The following ZNF780B variants were observed in gnomAD, a reference collection of about 807,000 sequenced individuals.
ZNF780B encodes zinc finger protein 779.
Under a neutral mutation model 74.1 loss-of-function variants are expected in ZNF780B, and 52 were observed. The ratio of observed to expected loss-of-function variants is 0.70; its 90% CI spans 0.56 to 0.88. The LOEUF is 0.88. Ranked by LOEUF, ZNF780B falls within the 40% of genes least tolerant of loss-of-function variation. The pLI is 0.00. For missense variants in ZNF780B, 953 were observed against 1,007.6 expected (o/e 0.95, Z 0.73); for synonymous variants, 315 against 324.3 (o/e 0.97, Z 0.31).
intron 4 of ZNF780B, among the ~76,000 whole-genome samples, chr19:40,042,518 C>G (rs1032026369): frequency 1.8e-4 from 27 of 152,340 alleles, no homozygotes; most frequent in African/African-American, 6.0e-4. Context: ...GTTCCATTCT[C>G]TCCGTCACTT....
chr19:40,041,938 G>A (rs1972665014), intron 4 of ZNF780B, among the ~76,000 whole-genome samples: 1 of 152,008 alleles, frequency 6.6e-6, no homozygotes, highest in Non-Finnish European at 1.5e-5. Flanking sequence ...TGTGAATTTG[G>A]TCCTGTAATT....
chr19:40,034,038 T>G lies in ZNF780B; in HGVS notation c.*319A>C. The G allele has an allele frequency of 2.7e-6, 1 of 368,672 alleles. No homozygotes were observed. The highest frequency in any genetic ancestry group is 5.1e-6 in the Non-Finnish European group (1 of 194,704). 22.8% of individuals were successfully genotyped at this position (368,672 alleles called of 1,614,324 possible). On this transcript the variant is annotated 3_prime_UTR_variant, in exon 5 of 5. Transcript: ENST00000434248. ...CACAGGGTTTCTCAGCAGTACGGATTCTCAGATGTACAGTAAGATCATAAT... is the reference window on the plus strand; with the variant it reads ...CACAGGGTTTCTCAGCAGTACGGATGCTCAGATGTACAGTAAGATCATAAT...
rs780445917 is a variant in ZNF780B at position 40,034,426 on chromosome 19, T to C, written c.2433A>G (p.Val811=). 1 of 1,614,068 alleles carries C rather than the reference T, an allele frequency of 6.2e-7. No homozygotes were observed. Among genetic ancestry groups the C allele is most frequent in the Non-Finnish European group, 8.5e-7 (1 of 1,179,966 alleles). ...KLVQVRNPLN[V]RNVGQPSDIS... Reference sequence around the variant, plus strand: ...TGTCTGAAGGCTGTCCCACATTTCTTACATTCAAAGGGTTTCTCACCTGTA... The same window carrying C: ...TGTCTGAAGGCTGTCCCACATTTCTCACATTCAAAGGGTTTCTCACCTGTA... The change falls in exon 5 of 5, where the codon GTA becomes GTG. Residue 811 remains valine (V), a synonymous_variant. Coordinates refer to ENST00000434248, the MANE Select transcript of ZNF780B (RefSeq NM_001005851.3).
intron 1 of ZNF780B, among the ~76,000 whole-genome samples, chr19:40,053,161 A>G (rs955420231): frequency 6.6e-6 from 1 of 152,204 alleles, no homozygotes; most frequent in African/African-American, 2.4e-5. Context: ...ATGAGAGAAA[A>G]TATTTGCAGT....
chr19:40,041,846 T>C (rs898396562), intron 4 of ZNF780B, among the ~76,000 whole-genome samples: 1 of 152,228 alleles, frequency 6.6e-6, no homozygotes, highest in Non-Finnish European at 1.5e-5. Flanking sequence ...CTGATGGGTC[T>C]TGACTCTTTA....
chr19:40,035,611 T>C lies in ZNF780B; in HGVS notation c.1248A>G (p.Pro416=), dbSNP rs1468432584. The C allele has an allele frequency of 5.0e-6, 8 of 1,613,726 alleles. No individual in the cohort carries two copies. The highest frequency in any genetic ancestry group is 1.7e-4 in the Middle Eastern group (1 of 6,058). ...QHQSIHADVK[P]YECKECGKGF... ...CTTTCCCACACTCCTTACATTCATA[T>C]GGTTTTACATCAGCATGAATACTCT... is the stretch of plus-strand genomic sequence containing the variant. Residue 416 remains proline (P), a synonymous_variant, in exon 5 of 5, where the codon CCA becomes CCG. Transcript: ENST00000434248.
In ZNF780B at chr19:40,035,836, G is replaced by C. The variant is rs1157353298; in HGVS notation, c.1023C>G (p.Ala341=). ...KPFECKECRK[A]FTLLTKLVRH... is the part of the protein sequence containing the mutation. The stretch of plus-strand genomic sequence containing the variant: ...GAACAAGCTTTGTCAGAAGAGTAAA[G>C]GCCTTTCTGCATTCTTTACATTCAA... The change falls in exon 5 of 5, where the codon GCC becomes GCG. Residue 341 remains alanine (A), a synonymous_variant. Coordinates refer to ENST00000434248, the MANE Select transcript of ZNF780B (RefSeq NM_001005851.3). 5 of 1,613,950 alleles carry C rather than the reference G, an allele frequency of 3.1e-6. No individual in the cohort carries two copies. Among genetic ancestry groups the C allele is most frequent in the Non-Finnish European group, 3.4e-6 (4 of 1,180,012 alleles).
chr19:40,034,910 A>G lies in ZNF780B; in HGVS notation c.1949T>C (p.Phe650Ser). ...TTGAACAAGGTTTGAGACACGATTAAAGGACTTCCCACATTCTTTACATTT... is the reference window on the plus strand; with the variant it reads ...TTGAACAAGGTTTGAGACACGATTAGAGGACTTCCCACATTCTTTACATTT... ...PFKCKECGKS[F>S]NRVSNLVQHQ... The change falls in exon 5 of 5, where the codon TTT (phenylalanine) becomes TCT (serine). Residue 650 changes from phenylalanine (F) to serine (S), a missense_variant. Physicochemically the swap from Phe to Ser is radical, Grantham distance 155 (BLOSUM62 -2). Coordinates refer to ENST00000434248, the MANE Select transcript of ZNF780B (RefSeq NM_001005851.3). 6.2e-7 allele frequency: 1 copy of G among 1,614,030 alleles called. No homozygotes were observed. Among genetic ancestry groups the G allele is most frequent in the Non-Finnish European group, 8.5e-7 (1 of 1,179,988 alleles).
intron 1 of ZNF780B, among the ~76,000 whole-genome samples, chr19:40,053,269 A>C (rs565092363): frequency 6.6e-6 from 1 of 152,346 alleles, no homozygotes; most frequent in African/African-American, 2.4e-5. Context: ...TGATAAACAC[A>C]TCTCAAAAGA....
chr19:40,052,773 A>T (rs1033149768), intron 1 of ZNF780B, among the ~76,000 whole-genome samples: 14 of 152,300 alleles, frequency 9.2e-5, no homozygotes, highest in Admixed American at 2.0e-4. Context: ...AGAGCCCCAG[A>T]ATAAATCCAT....
At position 40,054,241 on chromosome 19, in the gene ZNF780B, G is replaced by C. The variant is rs115132549; in HGVS notation, c.-46+1948C>G. 4.8e-3 allele frequency among the ~76,000 whole-genome samples: 734 copies of C among 152,278 alleles called. 11 individuals are homozygous for C. Among genetic ancestry groups the C allele is most frequent in the African/African-American group, 0.017 (688 of 41,544 alleles). On this transcript the variant is annotated intron_variant, in intron 1 of 4. Transcript: ENST00000434248. ...GTAATGTGGGTGAGGGAGGGAAGATGGTGTTGGCTGGGGAAATGTTGGTCA... is the reference window on the plus strand; with the variant it reads ...GTAATGTGGGTGAGGGAGGGAAGATCGTGTTGGCTGGGGAAATGTTGGTCA...
chr19:40,038,029 C>T (rs546197252), intron 4 of ZNF780B, among the ~76,000 whole-genome samples: 58 of 151,896 alleles, frequency 3.8e-4, no homozygotes, highest in Admixed American at 1.2e-3. Flanking sequence ...CGTCATTTAG[C>T]ATTAGGTATA....
rs755770118 is a variant in ZNF780B, at chr19:40,035,858, T to A, written c.1001A>T (p.Glu334Val). 6.2e-7 allele frequency: 1 copy of A among 1,613,614 alleles called. No homozygotes were observed. Among genetic ancestry groups the A allele is most frequent in the Non-Finnish European group, 8.5e-7 (1 of 1,179,972 alleles). ...CRIHTGEKPF[E>V]CKECRKAFTL... ...AAAGGCCTTTCTGCATTCTTTACAT[T>A]CAAAGGGTTTCTCGCCAGTATGAAT... The change falls in exon 5 of 5, where the codon GAA (glutamate) becomes GTA (valine). Residue 334 changes from glutamate (E) to valine (V), a missense_variant. Coordinates refer to ENST00000434248, the MANE Select transcript of ZNF780B (RefSeq NM_001005851.3).
chr19:40,046,447 G>A (rs535581768), intron 4 of ZNF780B, among the ~76,000 whole-genome samples: 64 of 152,246 alleles, frequency 4.2e-4, no homozygotes, highest in Non-Finnish European at 4.7e-4. Context: ...TCCTCACAAC[G>A]ACAGTCAAAA....
At chr19:40,038,221 A>C (rs951882230) in intron 4 of ZNF780B, among the ~76,000 whole-genome samples, 7 of 151,998 alleles carry the variant, frequency 4.6e-5, no homozygotes, top group African/African-American at 1.7e-4. Context: ...AGTTTCATCC[A>C]TGTCCCTACA....
intron 1 of ZNF780B, among the ~76,000 whole-genome samples, chr19:40,052,496 C>T (rs1285043240): frequency 1.3e-5 from 2 of 151,978 alleles, no homozygotes; most frequent in Non-Finnish European, 2.9e-5. Context: ...ATTTCAAGAG[C>T]TTTGTGGTCC....
intron 1 of ZNF780B, among the ~76,000 whole-genome samples, chr19:40,051,753 C>T (rs1973243322): frequency 6.6e-6 from 1 of 152,190 alleles, no homozygotes; most frequent in Admixed American, 6.5e-5. Flanking sequence ...ATTATCAAGA[C>T]TCTTCTCTGA....
At position 40,035,811 on chromosome 19, in the gene ZNF780B, G is replaced by A. The variant is rs200803225; in HGVS notation, c.1048C>T (p.Arg350Ter). The change falls in exon 5 of 5, where the codon CGA (arginine) becomes TGA (stop). Residue 350 changes from arginine to a stop codon, truncating the protein, a stop_gained. Transcript: ENST00000434248. LOFTEE classifies it high-confidence loss of function. ...TCACCCATATGAATCTTCTGATGTC[G>A]AACAAGCTTTGTCAGAAGAGTAAAG... ...KAFTLLTKLV[R>*]HQKIHMGEKP... 271 of 1,614,018 alleles carry A rather than the reference G, an allele frequency of 1.7e-4. 1 individual carries two copies. The highest frequency in any genetic ancestry group is 4.9e-4 in the South Asian group (45 of 91,068).
chr19:40,035,206 ATGAGT>A lies in ZNF780B; in HGVS notation c.1648_1652del (p.Thr550TyrfsTer3), dbSNP rs750184665. On this transcript the variant is annotated frameshift_variant, in exon 5 of 5. Transcript: ENST00000434248. LOFTEE classifies it high-confidence loss of function. ...TACATTCAAAGGGTTTCTCACCTGT[ATGAGT>A]TTTCTCATGTTGAGAAAGTTGTAGG... The A allele has an allele frequency of 7.8e-5, 126 of 1,613,948 alleles. No individual in the cohort carries two copies. In the East Asian group the frequency reaches 2.8e-3, roughly 36 times the overall value.
Sources: allele counts gnomAD v4.1 joint callset (sites outside exome capture counted in the v4.1 genomes callset), GRCh38; gene constraint gnomAD v4.1.1; transcripts MANE v1.5; gene names NCBI Gene and HGNC (gene_info 2026-07-23, HGNC 2026-07-21).